The following PCDHGA10 variants were observed in gnomAD, a reference collection of about 807,000 sequenced individuals.
PCDHGA10 encodes the protein protocadherin gamma-A10.
Under a neutral mutation model 59.5 loss-of-function variants are expected in PCDHGA10, and 42 were observed. That is an observed-to-expected ratio of 0.71 (90% CI 0.55 to 0.91). The LOEUF (loss-of-function observed/expected upper bound fraction) is 0.91. PCDHGA10 is among the 40% of genes least tolerant of loss of function. The pLI is 0.00. For synonymous variants in PCDHGA10, 511 were observed against 517.2 expected (o/e 0.99, Z 0.16); for missense variants, 1,111 against 1,198.2 (o/e 0.93, Z 1.07).
intron 1 of PCDHGA10, among the ~76,000 whole-genome samples, chr5:141,472,357 C>T (rs1020143523): frequency 2.4e-4 from 37 of 152,012 alleles, no homozygotes; most frequent in Non-Finnish European, 1.5e-4. Context: ...CTGGCTAACA[C>T]GGTGAAACCC....
Position 141,431,297 on chromosome 5 carries a change from C to G in PCDHGA10, c.2436+15686C>G. Reference sequence around the variant, plus strand: ...GCTCAGCCCGAACACTCACTTCTCCCTCATCGTGCAAAATGGAGCCGACGG... The same window carrying G: ...GCTCAGCCCGAACACTCACTTCTCCGTCATCGTGCAAAATGGAGCCGACGG... On this transcript the variant is annotated intron_variant, in intron 1 of 3. Transcript: ENST00000398610. The surrounding 1 kb of genome is among the most constrained non-coding windows in gnomAD (Gnocchi z 4.8). The G allele has an allele frequency of 6.2e-7, 1 of 1,614,126 alleles. No individual in the cohort carries two copies. The highest frequency in any genetic ancestry group is 8.5e-7 in the Non-Finnish European group (1 of 1,180,036).
In PCDHGA10 at chr5:141,485,089, G is replaced by C; in HGVS notation, c.2437-9718G>C. 9.7e-7 allele frequency: 1 copy of C among 1,027,236 alleles called. No individual in the cohort carries two copies. The highest frequency in any genetic ancestry group is 1.5e-6 in the Non-Finnish European group (1 of 674,564). The allele number at this position is 1,027,236 out of a possible 1,614,324, so 63.6% of individuals were successfully genotyped here. On this transcript the variant is annotated intron_variant, in intron 1 of 3. Coordinates refer to ENST00000398610, the MANE Select transcript of PCDHGA10 (RefSeq NM_018913.3). This position sits in a 1 kb window ranked among gnomAD's most constrained non-coding sequence, Gnocchi z 5.7. ...GAGCTGGCGCGGGGAAAGGGAGATA[G>C]GTGTCTCCAGCTGCTGTGGCTGTTT... is the stretch of plus-strand genomic sequence containing the variant.
chr5:141,419,523 G>T (rs553587727), intron 1 of PCDHGA10: 21 of 1,612,086 alleles, frequency 1.3e-5, no homozygotes, highest in East Asian at 2.2e-5. Flanking sequence ...GTGGGCGACC[G>T]TAACGACAAC....
At position 141,490,874 on chromosome 5, in the gene PCDHGA10, A is replaced by T. The variant is rs368927472; in HGVS notation, c.2437-3933A>T. 2 of 1,613,948 alleles carry T rather than the reference A, an allele frequency of 1.2e-6. No homozygotes were observed. Among genetic ancestry groups the T allele is most frequent in the Non-Finnish European group, 1.7e-6 (2 of 1,179,952 alleles). On this transcript the variant is annotated intron_variant, in intron 1 of 3. Transcript: ENST00000398610. The surrounding 1 kb of genome is among the most constrained non-coding windows in gnomAD (Gnocchi z 5.4). The stretch of plus-strand genomic sequence containing the variant: ...CGAGACTCCGGCTCTCCCCCATTGC[A>T]TGCCAACACATCTCTGCATGTGTTT...
chr5:141,432,753 C>G lies in PCDHGA10; in HGVS notation c.2436+17142C>G. ...ACTGTCACGCTCACCGTGGCCGTGGCCGACAGCATCCCCCAAGTCCTGGCG... is the reference window on the plus strand; with the variant it reads ...ACTGTCACGCTCACCGTGGCCGTGGGCGACAGCATCCCCCAAGTCCTGGCG... On this transcript the variant is annotated intron_variant, in intron 1 of 3. Coordinates refer to ENST00000398610, the MANE Select transcript of PCDHGA10 (RefSeq NM_018913.3). The surrounding 1 kb of genome is among the most constrained non-coding windows in gnomAD (Gnocchi z 6.0). 1 of 1,614,138 alleles carries G rather than the reference C, an allele frequency of 6.2e-7. No individual in the cohort carries two copies. The highest frequency in any genetic ancestry group is 8.5e-7 in the Non-Finnish European group (1 of 1,179,996).
At position 141,431,513 on chromosome 5, in the gene PCDHGA10, C is replaced by A. The variant is rs1468442248; in HGVS notation, c.2436+15902C>A. ...TCAGCCCGAGTACCGCGCGAGCGTT[C>A]CGGAGAATCTGGCCTTGGGCACGCA... is the stretch of plus-strand genomic sequence containing the variant. On this transcript the variant is annotated intron_variant, in intron 1 of 3. Transcript: ENST00000398610. The surrounding 1 kb of genome is among the most constrained non-coding windows in gnomAD (Gnocchi z 4.8). 1 of 1,614,022 alleles carries A rather than the reference C, an allele frequency of 6.2e-7. No individual in the cohort carries two copies. The highest frequency in any genetic ancestry group is 1.7e-5 in the Admixed American group (1 of 60,032).
rs1303365585 is a variant in PCDHGA10 at position 141,511,350 on chromosome 5, C to A, written c.*177C>A. 2.1e-5 allele frequency: 30 copies of A among 1,397,076 alleles called. No individual in the cohort carries two copies. Among genetic ancestry groups the A allele is most frequent in the African/African-American group, 1.7e-4 (12 of 68,780 alleles). The allele number at this position is 1,397,076 out of a possible 1,614,324, so 86.5% of individuals were successfully genotyped here. Reference sequence around the variant, plus strand: ...CCCAGTCAGCACCTACCCCTTCCCCCCCAGGGGGTTGAATATGCAAAAGCA... The same window carrying A: ...CCCAGTCAGCACCTACCCCTTCCCCACCAGGGGGTTGAATATGCAAAAGCA... On this transcript the variant is annotated 3_prime_UTR_variant, in exon 4 of 4. Transcript: ENST00000398610.
chr5:141,428,148 G>A (rs774961575), intron 1 of PCDHGA10: 6 of 1,588,024 alleles, frequency 3.8e-6, no homozygotes, highest in East Asian at 4.5e-5. Flanking sequence ...GCTGCACACG[G>A]GAACCTGCTG....
chr5:141,433,582 T>TCCCA (rs758953161), intron 1 of PCDHGA10, among the ~76,000 whole-genome samples: 4 of 151,942 alleles, frequency 2.6e-5, no homozygotes, highest in Non-Finnish European at 5.9e-5. Flanking sequence ...ACGCCTGTAA[T>TCCCA]CCCAGTACTT....
rs139608956 is a variant in PCDHGA10, at chr5:141,510,637, A to G, written c.2585-310A>G. Among the ~76,000 whole-genome samples, 4 of 152,242 alleles carry G rather than the reference A, an allele frequency of 2.6e-5. No individual in the cohort carries two copies. The East Asian group carries it at 7.7e-4, about 29-fold the overall frequency. ...ACTAAAACCAGAAGAGGTGGTTACC[A>G]TTATCATCCCCATTTTGCAGATGAG... On this transcript the variant is annotated intron_variant, in intron 3 of 3. Transcript: ENST00000398610.
rs61612330 is a variant in PCDHGA10 at position 141,454,796 on chromosome 5, A to ATTTTTTTTTTTTTTTTTTTTTTTTT, written c.2436+39190_2436+39214dup. ...AAGGAAATAATCCTCCATGGTTCTA[A>ATTTTTTTTTTTTTTTTTTTTTTTTT]TTTTTTTTTTTTTTTTTTTTTTTTT... On this transcript the variant is annotated intron_variant, in intron 1 of 3. Coordinates refer to ENST00000398610, the MANE Select transcript of PCDHGA10 (RefSeq NM_018913.3). Among the ~76,000 whole-genome samples, 7 of 77,408 alleles carry ATTTTTTTTTTTTTTTTTTTTTTTTT rather than the reference A, an allele frequency of 9.0e-5. 1 individual carries two copies. Among genetic ancestry groups the ATTTTTTTTTTTTTTTTTTTTTTTTT allele is most frequent in the East Asian group, 4.0e-4 (1 of 2,514 alleles). 50.8% of individuals were successfully genotyped at this position (77,408 alleles called of 152,430 possible). A position where few individuals can be genotyped will look rare whatever the true frequency, so the allele number is the denominator to read the frequency against.
intron 1 of PCDHGA10, among the ~76,000 whole-genome samples, chr5:141,458,436 C>T (rs2098945707): frequency 6.6e-6 from 1 of 152,056 alleles, no homozygotes; most frequent in Non-Finnish European, 1.5e-5. Context: ...AAGAGGAGGT[C>T]CCCCACATTA....
chr5:141,472,998 G>GAA (rs2099311030), intron 1 of PCDHGA10, among the ~76,000 whole-genome samples: 1 of 134,744 alleles, frequency 7.4e-6, no homozygotes, highest in Non-Finnish European at 1.6e-5. Flanking sequence ...AAAAAAAAAA[G>GAA]AAAGAAAAAG....
At position 141,487,790 on chromosome 5, in the gene PCDHGA10, C is replaced by T. The variant is rs1360781901; in HGVS notation, c.2437-7017C>T. 6.6e-7 allele frequency: 1 copy of T among 1,511,992 alleles called. No individual in the cohort carries two copies. Among genetic ancestry groups the T allele is most frequent in the Non-Finnish European group, 8.9e-7 (1 of 1,120,458 alleles). The allele number at this position is 1,511,992 out of a possible 1,614,324, so 93.7% of individuals were successfully genotyped here. ...GCTTTGTAACTGTTTCGTGAATTAA[C>T]CAGAGTTGTCACAGTTTAGCATTGG... On this transcript the variant is annotated intron_variant, in intron 1 of 3. Coordinates refer to ENST00000398610, the MANE Select transcript of PCDHGA10 (RefSeq NM_018913.3). This position sits in a 1 kb window ranked among gnomAD's most constrained non-coding sequence, Gnocchi z 5.0.
In PCDHGA10 at chr5:141,461,259, T is replaced by C. The variant is rs114101293; in HGVS notation, c.2437-33548T>C. Among the ~76,000 whole-genome samples the C allele has an allele frequency of 4.2e-3, 640 of 152,290 alleles. 5 individuals are homozygous for C. The highest frequency in any genetic ancestry group is 0.015 in the African/African-American group (623 of 41,554). On this transcript the variant is annotated intron_variant, in intron 1 of 3. Coordinates refer to ENST00000398610, the MANE Select transcript of PCDHGA10 (RefSeq NM_018913.3). ...TACTAATTTATATTCCCAGCAGCAA[T>C]GTGTAAGTGTTCTCTTTTCCCCACA...
intron 3 of PCDHGA10, among the ~76,000 whole-genome samples, chr5:141,509,335 G>C (rs113423267): frequency 6.6e-6 from 1 of 152,144 alleles, no homozygotes; most frequent in African/African-American, 2.4e-5. Context: ...CTGCCAGCTG[G>C]GCCTGGGCTG....
chr5:141,418,875 A>G (rs2097697666), intron 1 of PCDHGA10: 1 of 1,613,926 alleles, frequency 6.2e-7, no homozygotes, highest in African/African-American at 1.3e-5. Flanking sequence ...GAAGTTGTAG[A>G]CGAAAACGAC....
chr5:141,501,618 T>G (rs1307485559), intron 2 of PCDHGA10, among the ~76,000 whole-genome samples: 2 of 152,068 alleles, frequency 1.3e-5, no homozygotes, highest in African/African-American at 4.8e-5. Flanking sequence ...GTGACTCTGG[T>G]ATAGTCTCTC....
At chr5:141,509,163 C>T (rs561329093) in intron 3 of PCDHGA10, among the ~76,000 whole-genome samples, 1 of 152,204 alleles carries the variant, frequency 6.6e-6, no homozygotes, top group East Asian at 1.9e-4. Context: ...CTCCCGTGTG[C>T]CCTCCTCCTC....
Sources: gnomAD v4.1 joint callset for allele counts (sites outside exome capture counted in the v4.1 genomes callset) on GRCh38, gnomAD v4.1.1 for gene constraint, Gnocchi (gnomAD v3.1) non-coding constraint, MANE v1.5 for transcripts, NCBI Gene and HGNC (gene_info 2026-07-23, HGNC 2026-07-21) for gene names.